The following DIPK1A variants were observed in gnomAD, a reference collection of about 807,000 sequenced individuals.
The protein encoded by DIPK1A is family with sequence similarity 69 member A.
A neutral mutation model predicts 40.8 loss-of-function variants in DIPK1A; 27 were observed. That is an observed-to-expected ratio of 0.66 (90% CI 0.49 to 0.91). The LOEUF (loss-of-function observed/expected upper bound fraction) is 0.91, where lower values mean the gene tolerates loss of function less well. DIPK1A is among the 40% of genes least tolerant of loss of function. The pLI is 0.00. For missense variants in DIPK1A, 412 were observed against 505.7 expected (o/e 0.81, Z 1.78); for synonymous variants, 166 against 171.3 (o/e 0.97, Z 0.24).
At chr1:92,833,716 G>A in intron 4 of DIPK1A, 1 of 1,363,874 alleles carries the variant, frequency 7.3e-7, no homozygotes, top group South Asian at 1.2e-5. Flanking sequence ...TTGTGCTTGG[G>A]AAGCAAAGCA....
At chr1:92,865,381 C>A (rs990192381) in intron 2 of DIPK1A, among the ~76,000 whole-genome samples, 1 of 151,620 alleles carries the variant, frequency 6.6e-6, no homozygotes, top group African/African-American at 2.4e-5. Context: ...ACAAAAAAAG[C>A]AACCCCTCCT....
At chr1:92,949,524 A>G (rs11164842) in intron 1 of DIPK1A, among the ~76,000 whole-genome samples, 53,103 of 151,912 alleles carry the variant, frequency 0.35, 9,731 homozygotes, top group African/African-American at 0.38. Flanking sequence ...TGATCTACCC[A>G]CCTCGGCCTC....
intron 1 of DIPK1A, among the ~76,000 whole-genome samples, chr1:92,939,742 T>A (rs1254061643): frequency 2.6e-5 from 4 of 152,104 alleles, no homozygotes; most frequent in African/African-American, 9.7e-5. Context: ...TCACTTGAGG[T>A]CAGGAATTTA....
chr1:92,844,268 G>A (rs965061793), intron 4 of DIPK1A, 73 bp from the exon 5 acceptor site: 15 of 921,922 alleles, frequency 1.6e-5, no homozygotes, highest in South Asian at 3.4e-5. Flanking sequence ...GTTTCTTTAC[G>A]GGCATTATTA....
chr1:92,864,077 C>CA (rs934005517), intron 2 of DIPK1A, among the ~76,000 whole-genome samples: 6 of 151,870 alleles, frequency 4.0e-5, no homozygotes, highest in South Asian at 2.1e-4. Context: ...AAAACAAAAA[C>CA]AAAAAAACAA....
intron 1 of DIPK1A, among the ~76,000 whole-genome samples, chr1:92,895,948 G>A (rs890008653): frequency 8.5e-5 from 13 of 152,104 alleles, no homozygotes; most frequent in African/African-American, 3.1e-4. Flanking sequence ...AGCTTACAAG[G>A]GATGTGAAGG....
intron 1 of DIPK1A, among the ~76,000 whole-genome samples, chr1:92,925,392 T>C (rs1241048411): frequency 6.6e-6 from 1 of 152,248 alleles, no homozygotes; most frequent in Non-Finnish European, 1.5e-5. Context: ...AATTCACTTT[T>C]GATACTCTCT....
chr1:92,880,629 G>A (rs1648322840), intron 1 of DIPK1A, among the ~76,000 whole-genome samples: 1 of 152,098 alleles, frequency 6.6e-6, no homozygotes. Flanking sequence ...AGCACTTTGG[G>A]AGGCTGAGGT....
At position 92,833,163 on chromosome 1, in the gene DIPK1A, C is replaced by T. The variant is rs1226838265; in HGVS notation, c.475-129G>A. The T allele has an allele frequency of 7.6e-6, 5 of 654,902 alleles. No homozygotes were observed. In the African/African-American group the frequency reaches 9.1e-5, roughly 12 times the overall value. The allele number at this position is 654,902 out of a possible 1,614,324, so 40.6% of individuals were successfully genotyped here. A position where few individuals can be genotyped will look rare whatever the true frequency, so the allele number is the denominator to read the frequency against. On this transcript the variant is annotated intron_variant, in intron 4 of 4. Coordinates refer to the DIPK1A transcript ENST00000615519. ...TGTATGTTTCTTTTATTCCATATTT[C>T]TCTAAGGATTCATTTTTATTGTTTT...
intron 1 of DIPK1A, among the ~76,000 whole-genome samples, chr1:92,950,231 G>A (rs1651570743): frequency 6.6e-6 from 1 of 152,188 alleles, no homozygotes; most frequent in Admixed American, 6.5e-5. Context: ...ACATTCTAAG[G>A]CAAAGAGGAA....
chr1:92,842,052 G>C, downstream of DIPK1A: 1 of 794,172 alleles, frequency 1.3e-6, no homozygotes, highest in Non-Finnish European at 1.8e-6. Context: ...AAGAAAAAAA[G>C]TTGTTATTTC....
At chr1:92,835,120 C>G (rs1687066785) in intron 4 of DIPK1A, 3 of 683,826 alleles carry the variant, frequency 4.4e-6, no homozygotes. Context: ...ATTTGCTGTC[C>G]AGTGGTTTTG....
intron 1 of DIPK1A, among the ~76,000 whole-genome samples, chr1:92,947,331 T>C (rs569243819): frequency 3.3e-5 from 5 of 152,112 alleles, no homozygotes; most frequent in South Asian, 2.1e-4. Flanking sequence ...AAAGAAGACA[T>C]ACAAATGGTC....
intron 2 of DIPK1A, among the ~76,000 whole-genome samples, chr1:92,855,586 C>T (rs1687962685): frequency 6.6e-6 from 1 of 151,276 alleles, no homozygotes; most frequent in Non-Finnish European, 1.5e-5. Context: ...TGCCTGTAGT[C>T]CCAGCTACTC....
intron 1 of DIPK1A, among the ~76,000 whole-genome samples, chr1:92,903,265 T>A (rs1254872395): frequency 6.6e-6 from 1 of 152,132 alleles, no homozygotes; most frequent in African/African-American, 2.4e-5. Context: ...AGGTGGGTCT[T>A]GAACTCCTGG....
At chr1:92,851,197 G>A (rs1242373330) in intron 2 of DIPK1A, among the ~76,000 whole-genome samples, 1 of 152,026 alleles carries the variant, frequency 6.6e-6, no homozygotes, top group Non-Finnish European at 1.5e-5. Flanking sequence ...ATGGTCTAAG[G>A]TGGTATGTTA....
At chr1:92,860,659 C>T (rs1171686019) in intron 2 of DIPK1A, among the ~76,000 whole-genome samples, 3 of 116,794 alleles carry the variant, frequency 2.6e-5, no homozygotes, top group Non-Finnish European at 3.7e-5. Context: ...GTGGTGTGCA[C>T]CTTAGTCCCA....
At chr1:92,924,692 G>C (rs1650418897) in intron 1 of DIPK1A, among the ~76,000 whole-genome samples, 1 of 152,206 alleles carries the variant, frequency 6.6e-6, no homozygotes, top group Non-Finnish European at 1.5e-5. Context: ...ACAGGCTCTA[G>C]ATGTCGCAGT....
chr1:92,936,652 AAAG>A (rs1183405034), intron 1 of DIPK1A, among the ~76,000 whole-genome samples: 2 of 151,940 alleles, frequency 1.3e-5, no homozygotes, highest in South Asian at 4.1e-4. Flanking sequence ...AAGAAAAGAA[AAAG>A]AAGAAAGAAA....
Sources: gnomAD v4.1 joint callset for allele counts (sites outside exome capture counted in the v4.1 genomes callset) on GRCh38, gnomAD v4.1.1 for gene constraint, MANE v1.5 for transcripts, NCBI Gene and HGNC (gene_info 2026-07-23, HGNC 2026-07-21) for gene names.